Variants in SUGCT observed in about 807,000 individuals in gnomAD.
The protein encoded by SUGCT is succinyl-CoA:glutarate CoA-transferase.
A neutral mutation model predicts 55.0 loss-of-function variants in SUGCT; 41 were observed. That is an observed-to-expected ratio of 0.74 (90% CI 0.58 to 0.97). The LOEUF (loss-of-function observed/expected upper bound fraction) is 0.97, where lower values mean the gene tolerates loss of function less well. Among genes scored for constraint, SUGCT ranks in the 50% least tolerant of loss-of-function variants. SUGCT has a pLI of 0.00. For missense variants in SUGCT, 568 were observed against 547.8 expected (o/e 1.04, Z -0.37); for synonymous variants, 187 against 200.4 (o/e 0.93, Z 0.56).
the SUGCT span, among the ~76,000 whole-genome samples, chr7:40,969,458 T>G: frequency 1.3e-5 from 2 of 152,146 alleles, no homozygotes; most frequent in Non-Finnish European, 2.9e-5. Flanking sequence ...CCTCCCAGAC[T>G]CAAGGGATCC....
chr7:40,434,662 C>T (rs1483226375), intron 9 of SUGCT, among the ~76,000 whole-genome samples: 1 of 152,140 alleles, frequency 6.6e-6, no homozygotes, highest in African/African-American at 2.4e-5. Flanking sequence ...CTATCTTAAT[C>T]TCACATGCAT....
intron 9 of SUGCT, among the ~76,000 whole-genome samples, chr7:40,421,937 C>T (rs1303445716): frequency 6.6e-6 from 1 of 152,012 alleles, no homozygotes; most frequent in Non-Finnish European, 1.5e-5. Context: ...TTACCTTGCC[C>T]CAACTCTTTC....
intron 6 of SUGCT, among the ~76,000 whole-genome samples, chr7:40,205,189 A>C (rs995227751): frequency 4.0e-5 from 6 of 150,332 alleles, no homozygotes; most frequent in African/African-American, 1.5e-4. Context: ...CAGGAGGTGG[A>C]GGTTGCAGTG....
At chr7:40,441,767 A>T (rs1161231504) in intron 9 of SUGCT, among the ~76,000 whole-genome samples, 1 of 152,152 alleles carries the variant, frequency 6.6e-6, no homozygotes, top group Non-Finnish European at 1.5e-5. Context: ...GTTTGGAAGT[A>T]TGGGAGACAT....
At chr7:40,239,460 C>G (rs1789231043) in intron 7 of SUGCT, among the ~76,000 whole-genome samples, 2 of 152,152 alleles carry the variant, frequency 1.3e-5, no homozygotes, top group Admixed American at 1.3e-4. Flanking sequence ...TTGCTCAATT[C>G]CATAGGCTCT....
chr7:40,970,052 G>A, the SUGCT span, among the ~76,000 whole-genome samples: 2 of 152,100 alleles, frequency 1.3e-5, no homozygotes, highest in South Asian at 4.1e-4. Context: ...TTTCTTTCTG[G>A]GCAGCAAAAT....
chr7:40,832,193 C>T (rs1470916222), intron 13 of SUGCT, among the ~76,000 whole-genome samples: 1 of 152,118 alleles, frequency 6.6e-6, no homozygotes, highest in Non-Finnish European at 1.5e-5. Flanking sequence ...TGAAAAGTAA[C>T]CCAGAGCAGG....
At chr7:40,176,876 G>T (rs1784949578) in intron 1 of SUGCT, among the ~76,000 whole-genome samples, 1 of 150,994 alleles carries the variant, frequency 6.6e-6, no homozygotes. Flanking sequence ...GGGAGGCTGA[G>T]GCAGGAGAAT....
At chr7:40,171,273 T>A (rs1314010256) in intron 1 of SUGCT, among the ~76,000 whole-genome samples, 2 of 152,206 alleles carry the variant, frequency 1.3e-5, no homozygotes, top group Non-Finnish European at 2.9e-5. Context: ...ATGGGTTTGC[T>A]TTTTTTGTAA....
chr7:41,014,050 G>A, the SUGCT span, among the ~76,000 whole-genome samples: 49 of 152,112 alleles, frequency 3.2e-4, no homozygotes, highest in Non-Finnish European at 6.2e-4. Flanking sequence ...GCTTTGGCTG[G>A]AGAAACAGAT....
chr7:40,888,436 T>C, the SUGCT span, among the ~76,000 whole-genome samples: 3 of 145,842 alleles, frequency 2.1e-5, no homozygotes, highest in Admixed American at 6.9e-5. Context: ...GGCGACAGAG[T>C]GAGACTCCAT....
chr7:40,990,242 C>T, the SUGCT span, among the ~76,000 whole-genome samples: 1 of 152,206 alleles, frequency 6.6e-6, no homozygotes, highest in Admixed American at 6.5e-5. Context: ...TCACACATCT[C>T]CATCAGAGCT....
chr7:40,669,346 CAAA>C (rs33947436), intron 12 of SUGCT, among the ~76,000 whole-genome samples: 2,096 of 90,732 alleles, frequency 0.023, 33 homozygotes, highest in African/African-American at 0.061. Context: ...GTGTAAGCTT[CAAA>C]AAAAAAAAAA....
the SUGCT span, among the ~76,000 whole-genome samples, chr7:40,955,053 G>A: frequency 6.6e-6 from 1 of 152,164 alleles, no homozygotes; most frequent in Non-Finnish European, 1.5e-5. Context: ...TTGTAGTATA[G>A]TTTGAAGTCA....
intron 9 of SUGCT, among the ~76,000 whole-genome samples, chr7:40,346,023 A>G (rs981308530): frequency 6.6e-6 from 1 of 151,874 alleles, no homozygotes; most frequent in Non-Finnish European, 1.5e-5. Flanking sequence ...TTGGTGCACC[A>G]AAGACTTAAA....
chr7:40,600,609 A>C (rs1348231962), intron 12 of SUGCT, among the ~76,000 whole-genome samples: 1 of 152,202 alleles, frequency 6.6e-6, no homozygotes, highest in Non-Finnish European at 1.5e-5. Flanking sequence ...TGAAAATTGA[A>C]GCCTCAAATA....
chr7:40,533,523 T>C (rs549946304), intron 12 of SUGCT, among the ~76,000 whole-genome samples: 2 of 152,244 alleles, frequency 1.3e-5, no homozygotes, highest in South Asian at 2.1e-4. Context: ...TTTTCCACAA[T>C]TGCAAAGAAA....
chr7:40,778,160 G>A (rs1789556063), intron 13 of SUGCT, among the ~76,000 whole-genome samples: 1 of 152,196 alleles, frequency 6.6e-6, no homozygotes, highest in Non-Finnish European at 1.5e-5. Flanking sequence ...TTTGAGTCAA[G>A]ACCCTATTGT....
chr7:40,752,053 A>T (rs1224204755), intron 13 of SUGCT, among the ~76,000 whole-genome samples: 3 of 152,232 alleles, frequency 2.0e-5, no homozygotes, highest in East Asian at 3.8e-4. Context: ...TGTAAGAAAT[A>T]ACCTCAAGCT....
Sources: allele counts gnomAD v4.1 joint callset (sites outside exome capture counted in the v4.1 genomes callset), GRCh38; gene constraint gnomAD v4.1.1; transcripts MANE v1.5; gene names NCBI Gene and HGNC (gene_info 2026-07-23, HGNC 2026-07-21).